Variants in SEMA6D observed in about 807,000 individuals in gnomAD.
The protein encoded by SEMA6D is semaphorin 6D.
In SEMA6D, 35 loss-of-function variants were observed where a neutral mutation model predicts 106.6. That is an observed-to-expected ratio of 0.33 (90% CI 0.25 to 0.44). SEMA6D has a LOEUF of 0.44. Ranked by LOEUF, SEMA6D falls within the 20% of genes least tolerant of loss-of-function variation. The pLI is 1.00. For missense variants in SEMA6D, 1,185 were observed against 1,345.9 expected (o/e 0.88, Z 1.87); for synonymous variants, 499 against 487.7 (o/e 1.02, Z -0.31).
At chr15:47,239,778 A>T (rs1262275041) in intron 1 of SEMA6D, among the ~76,000 whole-genome samples, 1 of 152,176 alleles carries the variant, frequency 6.6e-6, no homozygotes. Context: ...GGTTGCTGTG[A>T]TGATTACAGA....
chr15:47,469,138 C>T (rs2042752869), intron 2 of SEMA6D, among the ~76,000 whole-genome samples: 2 of 152,156 alleles, frequency 1.3e-5, no homozygotes, highest in Admixed American at 1.3e-4. Context: ...TTATCACTGA[C>T]ATGATTGAGA....
chr15:47,264,383 G>A (rs752447899), intron 1 of SEMA6D, among the ~76,000 whole-genome samples: 4 of 150,784 alleles, frequency 2.7e-5, no homozygotes, highest in Non-Finnish European at 5.9e-5. Context: ...TGGGGGACTT[G>A]TATTTTAATT....
intron 4 of SEMA6D, among the ~76,000 whole-genome samples, chr15:47,613,785 G>A (rs1347162841): frequency 6.6e-6 from 1 of 152,054 alleles, no homozygotes; most frequent in Non-Finnish European, 1.5e-5. Context: ...TCTCCAAGTA[G>A]CTGGGATTAC....
At chr15:47,527,526 T>G (rs2044802980) in intron 3 of SEMA6D, 1 of 152,236 alleles carries the variant, frequency 6.6e-6, no homozygotes, top group Non-Finnish European at 1.5e-5. Flanking sequence ...TGTGTGTTTC[T>G]GTGTTTGAGA....
intron 2 of SEMA6D, among the ~76,000 whole-genome samples, chr15:47,415,613 G>A (rs1206997698): frequency 2.0e-5 from 3 of 151,764 alleles, no homozygotes; most frequent in African/African-American, 4.8e-5. Context: ...ACAGCCCTCC[G>A]CTTCCATAAA....
chr15:47,365,900 AGAGAGAGAG>A, intron 1 of SEMA6D, among the ~76,000 whole-genome samples: 2 of 51,262 alleles, frequency 3.9e-5, no homozygotes, highest in South Asian at 6.7e-4. Flanking sequence ...GGAGAGAGAG[AGAGAGAGAG>A]AGAGAGAGAG....
chr15:47,289,067 A>G (rs2035489912), intron 1 of SEMA6D, among the ~76,000 whole-genome samples: 2 of 152,130 alleles, frequency 1.3e-5, no homozygotes, highest in Non-Finnish European at 1.5e-5. Flanking sequence ...CTCAAATGTC[A>G]GAGAGGATTT....
intron 1 of SEMA6D, among the ~76,000 whole-genome samples, chr15:47,406,871 C>G (rs2040588510): frequency 6.6e-6 from 1 of 151,664 alleles, no homozygotes; most frequent in Non-Finnish European, 1.5e-5. Context: ...CAATGTATGT[C>G]CATGCCAAAA....
intron 1 of SEMA6D, among the ~76,000 whole-genome samples, chr15:47,269,663 A>C (rs1029432464): frequency 2.2e-4 from 34 of 152,196 alleles, no homozygotes; most frequent in African/African-American, 7.9e-4. Context: ...ATTTCTAATG[A>C]GTAAATGTTT....
chr15:47,481,033 A>G (rs554407779), intron 3 of SEMA6D, among the ~76,000 whole-genome samples: 11 of 152,238 alleles, frequency 7.2e-5, no homozygotes, highest in African/African-American at 2.6e-4. Context: ...TGCCTCCACT[A>G]TTAGATTAAA....
intron 1 of SEMA6D, among the ~76,000 whole-genome samples, chr15:47,348,727 C>CAAAGAGAGAGAGAGAGAGAGAGAGAG (rs1450109233): frequency 1.8e-5 from 1 of 57,054 alleles, no homozygotes; most frequent in Non-Finnish European, 4.0e-5. Context: ...ACCACACACA[C>CAAAGAGAGAGAGAGAGAGAGAGAGAG]AGAGAGAGAG....
intron 3 of SEMA6D, among the ~76,000 whole-genome samples, chr15:47,556,752 A>G (rs1484485729): frequency 6.6e-6 from 1 of 152,142 alleles, no homozygotes; most frequent in Non-Finnish European, 1.5e-5. Context: ...CTAGGGAACC[A>G]TAACATGGCT....
intron 1 of SEMA6D, among the ~76,000 whole-genome samples, chr15:47,303,870 G>T (rs561058531): frequency 6.6e-6 from 1 of 152,220 alleles, no homozygotes; most frequent in South Asian, 2.1e-4. Context: ...GCTTATGCCT[G>T]AGAGCTCAGA....
At chr15:47,204,932 G>T (rs1894957606) in intron 1 of SEMA6D, among the ~76,000 whole-genome samples, 1 of 152,048 alleles carries the variant, frequency 6.6e-6, no homozygotes, top group South Asian at 2.1e-4. Context: ...AGAAAACCTT[G>T]GGGGGAGAAG....
intron 2 of SEMA6D, among the ~76,000 whole-genome samples, chr15:47,429,733 G>T (rs1159974653): frequency 6.6e-6 from 1 of 151,584 alleles, no homozygotes; most frequent in Non-Finnish European, 1.5e-5. Flanking sequence ...GATTAAAATG[G>T]TTCAAGAGTA....
At chr15:47,639,927 G>A (rs562286795) in intron 4 of SEMA6D, among the ~76,000 whole-genome samples, 25 of 152,194 alleles carry the variant, frequency 1.6e-4, no homozygotes, top group African/African-American at 4.8e-4. Context: ...TTTCTGGATC[G>A]GATCCTGGAA....
chr15:47,677,587 A>G (rs866233687), intron 4 of SEMA6D, among the ~76,000 whole-genome samples: 5 of 152,368 alleles, frequency 3.3e-5, no homozygotes, highest in Middle Eastern at 3.4e-3. Context: ...GCAGTTTGCC[A>G]TAGTTACTGC....
intron 3 of SEMA6D, among the ~76,000 whole-genome samples, chr15:47,580,029 T>C (rs2076228205): frequency 6.6e-6 from 1 of 152,222 alleles, no homozygotes; most frequent in Admixed American, 6.5e-5. Flanking sequence ...AGAAAATTTC[T>C]CTGAAATTTA....
At chr15:47,739,471 C>T (rs939839425) in intron 1 of SEMA6D, among the ~76,000 whole-genome samples, 1 of 152,138 alleles carries the variant, frequency 6.6e-6, no homozygotes, top group African/African-American at 2.4e-5. Context: ...GGTCTCAGGG[C>T]TTTTAATCAT....
Sources: gnomAD v4.1 joint callset for allele counts (sites outside exome capture counted in the v4.1 genomes callset) on GRCh38, gnomAD v4.1.1 for gene constraint, MANE v1.5 for transcripts, NCBI Gene and HGNC (gene_info 2026-07-23, HGNC 2026-07-21) for gene names.